The following ITIH5 variants were observed in gnomAD, a reference collection of about 807,000 sequenced individuals.
ITIH5 encodes inter-alpha-trypsin inhibitor heavy chain H5.
A neutral mutation model predicts 77.5 loss-of-function variants in ITIH5; 65 were observed. The ratio of observed to expected loss-of-function variants is 0.84; its 90% CI spans 0.69 to 1.03. ITIH5 has a LOEUF of 1.03. Ranked by LOEUF, ITIH5 falls within the 50% of genes least tolerant of loss-of-function variation. The pLI, the probability that ITIH5 is intolerant of heterozygous loss-of-function variation, is 0.00. For synonymous variants in ITIH5, 525 were observed against 494.3 expected (o/e 1.06, Z -0.82); for missense variants, 1,208 against 1,213.1 (o/e 1.00, Z 0.06).
At chr10:7,631,396 T>C (rs1833709917) in intron 5 of ITIH5, among the ~76,000 whole-genome samples, 2 of 152,218 alleles carry the variant, frequency 1.3e-5, no homozygotes, top group African/African-American at 4.8e-5. Context: ...GCAGGAGGAC[T>C]GTGGGAAGGG....
In ITIH5 at chr10:7,579,805, G is replaced by T. The variant is rs773476076; in HGVS notation, c.1368C>A (p.Gly456=). 4 of 1,614,044 alleles carry T rather than the reference G, an allele frequency of 2.5e-6. No individual in the cohort carries two copies. In the African/African-American group the frequency reaches 5.3e-5, roughly 22 times the overall value. The part of the protein sequence containing the change: ...LLEKLSLENC[G]LTRRVHEEED... The stretch of plus-strand genomic sequence containing the variant: ...CCTCCTCGTGCACGCGCCGTGTGAG[G>T]CCACAGTTCTCCAGCGACAGTTTCT... Residue 456 remains glycine, a synonymous_variant, in exon 9 of 14, where the codon GGC becomes GGA. Transcript: ENST00000397146.
At chr10:7,642,185 CT>C in intron 2 of ITIH5, 95 bp from the exon 3 acceptor site, 7 of 1,015,510 alleles carry the variant, frequency 6.9e-6, no homozygotes, top group Non-Finnish European at 8.6e-6. Context: ...GGGAAATAAT[CT>C]TCAGTTTGGG....
At position 7,637,491 on chromosome 10, in the gene ITIH5, A is replaced by C; in HGVS notation, c.402-13T>G. ...AGTCCCCTTCTCTCTGTCAGGAAAA[A>C]GGAAAAGGACCCCAGGGAGGTTCGG... is the stretch of plus-strand genomic sequence containing the variant. On this transcript the variant is annotated splice_polypyrimidine_tract_variant and intron_variant, in intron 4 of 13. Transcript: ENST00000397146. 1.2e-6 allele frequency: 2 copies of C among 1,612,778 alleles called. No homozygotes were observed. The highest frequency in any genetic ancestry group is 1.7e-6 in the Non-Finnish European group (2 of 1,179,670).
chr10:7,615,294 CA>C (rs1364442080), intron 7 of ITIH5, among the ~76,000 whole-genome samples: 1 of 152,130 alleles, frequency 6.6e-6, no homozygotes, highest in African/African-American at 2.4e-5. Flanking sequence ...TTTTAGAAGA[CA>C]AACTAACAGA....
At position 7,629,982 on chromosome 10, in the gene ITIH5, G is replaced by A. The variant is rs758139103; in HGVS notation, c.652+7246C>T. On this transcript the variant is annotated intron_variant, in intron 5 of 13. Transcript: ENST00000397146. Reference sequence around the variant, plus strand: ...AATTTGAATGTATTGGGGGGGCTACGGAGCTGTACTTTTGGGTGTGATATT... The same window carrying A: ...AATTTGAATGTATTGGGGGGGCTACAGAGCTGTACTTTTGGGTGTGATATT... Among the ~76,000 whole-genome samples, 111 of 152,154 alleles carry A rather than the reference G, an allele frequency of 7.3e-4. 1 individual carries two copies. Among genetic ancestry groups the A allele is most frequent in the Admixed American group, 6.4e-3 (98 of 15,274 alleles).
At chr10:7,587,533 A>T (rs925075553) in intron 7 of ITIH5, among the ~76,000 whole-genome samples, 1 of 152,232 alleles carries the variant, frequency 6.6e-6, no homozygotes, top group African/African-American at 2.4e-5. Context: ...GGCCCTGAGC[A>T]GTAAGCTCCC....
Position 7,576,554 on chromosome 10 carries a change from G to A in ITIH5, c.1877C>T (p.Pro626Leu), listed in dbSNP as rs369197326. 1.9e-5 allele frequency: 31 copies of A among 1,613,448 alleles called. No homozygotes were observed. Among genetic ancestry groups the A allele is most frequent in the African/African-American group, 5.3e-5 (4 of 74,930 alleles). ...CTCCAGGCCATCCATGCGTGGGACCGGCCCCCTCAGCTTCATGGAGGTGAA... is the reference window on the plus strand; with the variant it reads ...CTCCAGGCCATCCATGCGTGGGACCAGCCCCCTCAGCTTCATGGAGGTGAA... Reference protein sequence around the residue: ...TPFTSMKLRGPVPRMDGLEEA... With the variant: ...TPFTSMKLRGLVPRMDGLEEA... The change falls in exon 10 of 14, where the codon CCG (proline) becomes CTG (leucine). Residue 626 changes from proline to leucine, a missense_variant. Coordinates refer to ENST00000397146, the MANE Select transcript of ITIH5 (RefSeq NM_030569.7).
At chr10:7,663,039 T>C (rs1247255897) in intron 1 of ITIH5, among the ~76,000 whole-genome samples, 1 of 152,220 alleles carries the variant, frequency 6.6e-6, no homozygotes, top group African/African-American at 2.4e-5. Context: ...GACTAGCATA[T>C]ATTGCACATC....
At position 7,566,405 on chromosome 10, in the gene ITIH5, C is replaced by T. The variant is rs1832159394; in HGVS notation, c.2152G>A (p.Val718Ile). ...CCAATTAACTCTCCGTTCACTGTGA[C>T]ACCTCAAAGGCCAAGGGGAAAAGAA... is the stretch of plus-strand genomic sequence containing the variant. ...RLVSDHRDSG[V>I]TVNGELIGAP... Residue 718 changes from valine (V) to isoleucine (I), a missense_variant and splice_region_variant, in exon 13 of 14, where the codon GTC (valine) becomes ATC (isoleucine). By Grantham distance (29) the Val-to-Ile change is conservative. Coordinates refer to ENST00000397146, the MANE Select transcript of ITIH5 (RefSeq NM_030569.7). 3 of 1,593,992 alleles carry T rather than the reference C, an allele frequency of 1.9e-6. No individual in the cohort carries two copies. Among genetic ancestry groups the T allele is most frequent in the Non-Finnish European group, 2.6e-6 (3 of 1,165,092 alleles).
At chr10:7,629,616 G>A (rs116928602) in intron 5 of ITIH5, among the ~76,000 whole-genome samples, 6,090 of 132,076 alleles carry the variant, frequency 0.046, 210 homozygotes, top group South Asian at 0.075. Context: ...TATCCATGTT[G>A]CAGCGTGTGT....
chr10:7,663,575 C>T (rs1834313646), intron 1 of ITIH5, among the ~76,000 whole-genome samples: 1 of 152,108 alleles, frequency 6.6e-6, no homozygotes. Context: ...AATAAATAGT[C>T]ATTTTAGCAC....
At chr10:7,588,821 TA>T (rs1832734898) in intron 7 of ITIH5, among the ~76,000 whole-genome samples, 1 of 152,232 alleles carries the variant, frequency 6.6e-6, no homozygotes, top group South Asian at 2.1e-4. Context: ...TGATTAATTC[TA>T]AATCTTACGA....
At chr10:7,583,418 C>T (rs765458998) in intron 8 of ITIH5, among the ~76,000 whole-genome samples, 13 of 152,106 alleles carry the variant, frequency 8.5e-5, no homozygotes, top group Non-Finnish European at 1.9e-4. Context: ...CTACAACCTC[C>T]GCCTCCCAGG....
rs547565804 is a variant in ITIH5 at position 7,654,052 on chromosome 10, G to A, written c.135+1579C>T. Among the ~76,000 whole-genome samples, 35 of 152,156 alleles carry A rather than the reference G, an allele frequency of 2.3e-4. 1 individual carries two copies. The highest frequency in any genetic ancestry group is 9.8e-4 in the Admixed American group (15 of 15,270). ...CATGCCTGTAATCCCAGCTACTCAG[G>A]AGGCTGAGGCAGGAGGATCTCTTCA... On this transcript the variant is annotated intron_variant, in intron 2 of 13. Coordinates refer to ENST00000397146, the MANE Select transcript of ITIH5 (RefSeq NM_030569.7).
chr10:7,660,658 G>A (rs180968375), intron 1 of ITIH5, among the ~76,000 whole-genome samples: 3 of 152,304 alleles, frequency 2.0e-5, no homozygotes, highest in East Asian at 3.9e-4. Flanking sequence ...AGGATCCACC[G>A]GAGCATCAGA....
chr10:7,584,427 C>T (rs961010231), intron 8 of ITIH5, among the ~76,000 whole-genome samples: 2 of 151,814 alleles, frequency 1.3e-5, no homozygotes, highest in Non-Finnish European at 2.9e-5. Context: ...CCTCAGCCTC[C>T]CAAGTAGCTG....
At chr10:7,628,625 T>C (rs1327365203) in intron 5 of ITIH5, among the ~76,000 whole-genome samples, 1 of 152,148 alleles carries the variant, frequency 6.6e-6, no homozygotes, top group Non-Finnish European at 1.5e-5. Context: ...TTATGGGATG[T>C]GTCCATGTTG....
intron 7 of ITIH5, among the ~76,000 whole-genome samples, chr10:7,592,980 G>A (rs1278329151): frequency 5.9e-5 from 9 of 152,120 alleles, no homozygotes. Flanking sequence ...CTGCATGGGG[G>A]CCTGCCAGGA....
At chr10:7,661,804 G>A (rs1834280916) in intron 1 of ITIH5, among the ~76,000 whole-genome samples, 1 of 152,054 alleles carries the variant, frequency 6.6e-6, no homozygotes, top group Non-Finnish European at 1.5e-5. Flanking sequence ...GGGCTCAGGT[G>A]ATCCTCCCAC....
Sources: allele counts gnomAD v4.1 joint callset (sites outside exome capture counted in the v4.1 genomes callset), GRCh38; gene constraint gnomAD v4.1.1; transcripts MANE v1.5; gene names NCBI Gene and HGNC (gene_info 2026-07-23, HGNC 2026-07-21).